The following SYNPR variants were observed in gnomAD, a reference collection of about 807,000 sequenced individuals.
SYNPR encodes synaptoporin.
A neutral mutation model predicts 32.9 loss-of-function variants in SYNPR; 23 were observed. The observed-to-expected ratio is 0.70, with a 90% CI of 0.50 to 0.99. SYNPR has a LOEUF of 0.99. Among genes scored for constraint, SYNPR ranks in the 50% least tolerant of loss-of-function variants. The pLI, the probability that SYNPR is intolerant of heterozygous loss-of-function variation, is 0.00. For missense variants in SYNPR, 318 were observed against 349.3 expected, an observed-to-expected ratio of 0.91 and a Z score of 0.71; for synonymous variants, 146 against 135.9, an observed-to-expected ratio of 1.07 and a Z score of -0.52.
At chr3:63,448,740 T>C (rs1700326318) in intron 2 of SYNPR, among the ~76,000 whole-genome samples, 1 of 152,210 alleles carries the variant, frequency 6.6e-6, no homozygotes, top group Non-Finnish European at 1.5e-5. Flanking sequence ...GGAGATACAA[T>C]GATGAACAAA....
chr3:63,347,920 T>C (rs945534144), intron 2 of SYNPR, among the ~76,000 whole-genome samples: 1 of 137,780 alleles, frequency 7.3e-6, no homozygotes, highest in African/African-American at 2.7e-5. Context: ...TGTGTGTGTA[T>C]GTATATATCA....
rs1027086142 is a variant in SYNPR, at chr3:63,388,556, T to G, written c.85-92276T>G. On this transcript the variant is annotated intron_variant, in intron 2 of 5. Transcript: ENST00000478300. ...GCGCACACCACCACACCCGGCTAAT[T>G]TGTGTGTGTGTGTGTGTGTGTGTGT... 3.1e-5 allele frequency among the ~76,000 whole-genome samples: 4 copies of G among 128,084 alleles called. No homozygotes were observed. The South Asian group carries it at 1.1e-3, about 36-fold the overall frequency. The allele number at this position is 128,084 out of a possible 152,430, so 84.0% of individuals were successfully genotyped here.
intron 2 of SYNPR, among the ~76,000 whole-genome samples, chr3:63,398,631 A>C (rs2088249037): frequency 6.6e-6 from 1 of 152,032 alleles, no homozygotes; most frequent in African/African-American, 2.4e-5. Context: ...GGAAAGGAGA[A>C]TGGCGTGAAC....
At chr3:63,276,182 C>G (rs1222955234), upstream of SYNPR, among the ~76,000 whole-genome samples, 3 of 152,126 alleles carry the variant, frequency 2.0e-5, no homozygotes, top group Non-Finnish European at 1.5e-5. Flanking sequence ...CTTGGTGGTT[C>G]TTAAAACTTC....
upstream of SYNPR, among the ~76,000 whole-genome samples, chr3:63,277,846 G>GT (rs1007274632): frequency 3.9e-5 from 6 of 151,994 alleles, no homozygotes; most frequent in African/African-American, 1.2e-4. Context: ...TGCTTATCCT[G>GT]TTTTTTTGAT....
chr3:63,455,788 G>GTGTGTGTGTGTGTGT (rs1559504358), intron 2 of SYNPR, among the ~76,000 whole-genome samples: 3 of 74,616 alleles, frequency 4.0e-5, no homozygotes, highest in African/African-American at 2.2e-4. Flanking sequence ...TGTGTGTGTG[G>GTGTGTGTGTGTGTGT]ATCTTCAGAT....
intron 3 of SYNPR, among the ~76,000 whole-genome samples, chr3:63,498,661 G>C (rs1701417791): frequency 1.3e-5 from 2 of 152,268 alleles, no homozygotes; most frequent in Non-Finnish European, 2.9e-5. Context: ...GCCTGGTGTG[G>C]TAAAGGAATA....
chr3:63,428,001 A>T (rs570950153), intron 2 of SYNPR, among the ~76,000 whole-genome samples: 28 of 152,310 alleles, frequency 1.8e-4, no homozygotes, highest in Admixed American at 3.9e-4. Flanking sequence ...AGTTTTTTTT[A>T]AAATGTATTT....
In SYNPR at chr3:63,600,432, A is replaced by G. The variant is rs557574171; in HGVS notation, c.409-8693A>G. On this transcript the variant is annotated intron_variant, in intron 4 of 5. Coordinates refer to ENST00000478300, the MANE Select transcript of SYNPR (RefSeq NM_001130003.2). The stretch of plus-strand genomic sequence containing the variant: ...CAGCAGGAGGTGGGACAATGTAGGG[A>G]AGTGGTGTCAGGTTATTTGTTCCCA... 1.2e-4 allele frequency among the ~76,000 whole-genome samples: 19 copies of G among 152,246 alleles called. No individual in the cohort carries two copies. In the South Asian group the frequency reaches 3.7e-3, roughly 30 times the overall value.
chr3:63,202,457 C>G, the SYNPR span, among the ~76,000 whole-genome samples: 2 of 152,170 alleles, frequency 1.3e-5, no homozygotes, highest in Admixed American at 6.5e-5. Context: ...TTCAAAATAA[C>G]CATCACTTCA....
intron 4 of SYNPR, among the ~76,000 whole-genome samples, chr3:63,559,286 C>T (rs928751370): frequency 1.3e-5 from 2 of 151,982 alleles, no homozygotes; most frequent in Admixed American, 6.6e-5. Context: ...CCATGTTGCC[C>T]AGGCTGGTCT....
At chr3:63,563,492 G>A (rs1457012780) in intron 4 of SYNPR, among the ~76,000 whole-genome samples, 1 of 152,062 alleles carries the variant, frequency 6.6e-6, no homozygotes, top group Non-Finnish European at 1.5e-5. Context: ...GAGCTATACA[G>A]AAATTGCTGA....
At chr3:63,449,306 A>T (rs1273685697) in intron 2 of SYNPR, among the ~76,000 whole-genome samples, 2 of 152,122 alleles carry the variant, frequency 1.3e-5, no homozygotes, top group Non-Finnish European at 2.9e-5. Flanking sequence ...TAAGCCAAGT[A>T]CACTACTAGA....
At chr3:63,321,346 A>C (rs2087108789) in intron 2 of SYNPR, among the ~76,000 whole-genome samples, 1 of 152,070 alleles carries the variant, frequency 6.6e-6, no homozygotes, top group African/African-American at 2.4e-5. Flanking sequence ...AGTCCAAAGA[A>C]GAAAGTATGT....
chr3:63,615,578 G>C lies in SYNPR; in HGVS notation c.*97G>C. On this transcript the variant is annotated 3_prime_UTR_variant, in exon 6 of 6. Coordinates refer to ENST00000478300, the MANE Select transcript of SYNPR (RefSeq NM_001130003.2). ...GGTTTCAATCAATTATTAATGCAGA[G>C]AGTATTGAATGTAAATCAGAGCTCT... The C allele has an allele frequency of 6.8e-7, 1 of 1,460,174 alleles. No homozygotes were observed. The highest frequency in any genetic ancestry group is 1.4e-5 in the African/African-American group (1 of 70,968). 90.5% of individuals were successfully genotyped at this position (1,460,174 alleles called of 1,614,324 possible). A position where few individuals can be genotyped will look rare whatever the true frequency, so the allele number is the denominator to read the frequency against.
At chr3:63,254,612 C>T (rs2086366361) in intron 2 of SYNPR, among the ~76,000 whole-genome samples, 1 of 151,982 alleles carries the variant, frequency 6.6e-6, no homozygotes, top group Non-Finnish European at 1.5e-5. Flanking sequence ...AATTTCAAGC[C>T]AGATAATTTT....
intron 2 of SYNPR, among the ~76,000 whole-genome samples, chr3:63,258,778 C>T (rs1397515994): frequency 6.6e-6 from 1 of 152,136 alleles, no homozygotes; most frequent in East Asian, 1.9e-4. Flanking sequence ...ATCAATGAAT[C>T]CAGGAGCTGG....
chr3:63,234,239 A>T (rs1436284171), intron 1 of SYNPR, among the ~76,000 whole-genome samples: 1 of 152,194 alleles, frequency 6.6e-6, no homozygotes, highest in Non-Finnish European at 1.5e-5. Flanking sequence ...TAAAAACATC[A>T]AATCTCATGA....
intron 2 of SYNPR, among the ~76,000 whole-genome samples, chr3:63,319,534 A>G (rs2087085466): frequency 6.6e-6 from 1 of 151,452 alleles, no homozygotes; most frequent in Admixed American, 6.6e-5. Flanking sequence ...ACTAATATTA[A>G]TAAGATAAAC....
Sources: gnomAD v4.1 joint callset for allele counts (sites outside exome capture counted in the v4.1 genomes callset) on GRCh38, gnomAD v4.1.1 for gene constraint, MANE v1.5 for transcripts, NCBI Gene and HGNC (gene_info 2026-07-23, HGNC 2026-07-21) for gene names.